The following MOB4 variants were observed in gnomAD, a reference collection of about 807,000 sequenced individuals.
MOB4 encodes the protein MOB family member 4, phocein.
A neutral mutation model predicts 32.2 loss-of-function variants in MOB4; 4 were observed. The ratio of observed to expected loss-of-function variants is 0.12; its 90% CI spans 0.06 to 0.28. MOB4 has a LOEUF of 0.28. Among genes scored for constraint, MOB4 ranks in the 10% least tolerant of loss-of-function variants. The probability of loss-of-function intolerance (pLI) is 1.00; values close to 1 mark genes in which losing one functional copy is unlikely to be tolerated. For missense variants in MOB4, 158 were observed against 271.2 expected (o/e 0.58, Z 2.93); for synonymous variants, 88 against 88.1 (o/e 1.00, Z 0.01).
At chr2:197,518,561 G>A (rs1208924079) in intron 1 of MOB4, among the ~76,000 whole-genome samples, 3 of 150,288 alleles carry the variant, frequency 2.0e-5, no homozygotes, top group African/African-American at 7.4e-5. Context: ...TGCACCTGGA[G>A]GTTTTTTTTT....
intron 1 of MOB4, chr2:197,516,878 G>A: frequency 2.8e-6 from 1 of 362,204 alleles, no homozygotes; most frequent in South Asian, 2.1e-5. Context: ...GTTTCTTAGG[G>A]TTTGGAAAAG....
At chr2:197,535,222 CAAA>C (rs371120769) in intron 2 of MOB4, among the ~76,000 whole-genome samples, 12 of 66,370 alleles carry the variant, frequency 1.8e-4, no homozygotes, top group Non-Finnish European at 3.2e-4. Flanking sequence ...GACCCTGTTT[CAAA>C]AAAAAAAAAA....
At chr2:197,546,085 G>A (rs888102710) in intron 5 of MOB4, among the ~76,000 whole-genome samples, 15 of 151,506 alleles carry the variant, frequency 9.9e-5, no homozygotes, top group African/African-American at 2.9e-4. Flanking sequence ...TTTTTGAGAC[G>A]GAGTCTCACA....
At chr2:197,538,542 T>G (rs970684420) in intron 3 of MOB4, among the ~76,000 whole-genome samples, 1 of 152,172 alleles carries the variant, frequency 6.6e-6, no homozygotes, top group South Asian at 2.1e-4. Context: ...TCTTAATGAT[T>G]AGGAAAAAGT....
intron 5 of MOB4, among the ~76,000 whole-genome samples, chr2:197,546,368 A>T (rs2086993723): frequency 1.3e-5 from 2 of 150,908 alleles, no homozygotes; most frequent in South Asian, 4.2e-4. Context: ...GCCTCACGTT[A>T]TCCCCTTTTT....
At position 197,521,633 on chromosome 2, in the gene MOB4, G is replaced by A. The variant is rs199703342; in HGVS notation, c.61-1991G>A. Among the ~76,000 whole-genome samples the A allele has an allele frequency of 1.7e-3, 262 of 152,258 alleles. 1 individual carries two copies. Among genetic ancestry groups the A allele is most frequent in the East Asian group, 9.3e-3 (48 of 5,188 alleles). On this transcript the variant is annotated intron_variant, in intron 1 of 7. Transcript: ENST00000323303. Reference sequence around the variant, plus strand: ...GAAGACGGCCATACCCAAGGGGGCCGTCTATAGACCCACCCCCAGGCGTGT... The same window carrying A: ...GAAGACGGCCATACCCAAGGGGGCCATCTATAGACCCACCCCCAGGCGTGT...
In MOB4 at chr2:197,516,134, C is replaced by T. The variant is rs903197738; in HGVS notation, c.48C>T (p.Gly16=). 1.8e-5 allele frequency: 29 copies of T among 1,603,686 alleles called. No individual in the cohort carries two copies. The highest frequency in any genetic ancestry group is 2.0e-5 in the Non-Finnish European group (24 of 1,176,224). Residue 16 remains glycine (G), a synonymous_variant, in exon 1 of 8, where the codon GGC becomes GGT. Transcript: ENST00000323303. Reference sequence around the variant, plus strand: ...CAGTGCTGAGGCGGAACAGGCCGGGCACCAAGGCGCAGGTACCATGTCTGC... The same window carrying T: ...CAGTGCTGAGGCGGAACAGGCCGGGTACCAAGGCGCAGGTACCATGTCTGC... ...GTAVLRRNRP[G]TKAQDFYNWP...
chr2:197,516,832 C>T (rs1445316504), intron 1 of MOB4: 1 of 429,798 alleles, frequency 2.3e-6, no homozygotes, highest in African/African-American at 2.0e-5. Context: ...TTTTGTAGGG[C>T]ATTATGTGTG....
At chr2:197,536,972 T>C (rs2086810499) in intron 3 of MOB4, among the ~76,000 whole-genome samples, 1 of 151,908 alleles carries the variant, frequency 6.6e-6, no homozygotes. Context: ...AATCCTGGGC[T>C]CAAGTGATCC....
At chr2:197,550,228 A>C in intron 6 of MOB4, 47 bp from the exon 7 acceptor site, 2 of 1,544,818 alleles carry the variant, frequency 1.3e-6, no homozygotes, top group African/African-American at 2.8e-5. Flanking sequence ...ATTGTTCCTA[A>C]GATTCTATCC....
chr2:197,518,162 A>G (rs1333762466), intron 1 of MOB4, among the ~76,000 whole-genome samples: 1 of 151,996 alleles, frequency 6.6e-6, no homozygotes, highest in Non-Finnish European at 1.5e-5. Flanking sequence ...ACAAAAAACT[A>G]TAGGAGAGTA....
In MOB4 at chr2:197,547,052, C is replaced by T. The variant is rs562642839; in HGVS notation, c.355-1284C>T. Among the ~76,000 whole-genome samples, 8 of 151,372 alleles carry T rather than the reference C, an allele frequency of 5.3e-5. No individual in the cohort carries two copies. The East Asian group carries it at 1.5e-3, about 29-fold the overall frequency. ...CTTGAGGCCAGGAGTTCGAGACCAG[C>T]CTGGTCAACATAGTGAGACCTTCTT... is the stretch of plus-strand genomic sequence containing the variant. On this transcript the variant is annotated intron_variant, in intron 5 of 7. Transcript: ENST00000323303.
intron 3 of MOB4, among the ~76,000 whole-genome samples, chr2:197,537,121 A>G (rs1051072691): frequency 1.3e-5 from 2 of 152,154 alleles, no homozygotes; most frequent in Non-Finnish European, 2.9e-5. Flanking sequence ...AATTATTGCA[A>G]ACTTCCAGTC....
chr2:197,521,738 A>T (rs2086522823), intron 1 of MOB4, among the ~76,000 whole-genome samples: 1 of 152,228 alleles, frequency 6.6e-6, no homozygotes, highest in Non-Finnish European at 1.5e-5. Flanking sequence ...AAGAAGAGAA[A>T]TATGGCTCTG....
chr2:197,541,446 A>G (rs980590141), intron 5 of MOB4, among the ~76,000 whole-genome samples: 9 of 152,218 alleles, frequency 5.9e-5, no homozygotes, highest in Admixed American at 2.0e-4. Context: ...ATAGACTTCT[A>G]AGGCTTGAAG....
Position 197,552,454 on chromosome 2 carries a change from G to A in MOB4, c.*1808G>A, listed in dbSNP as rs1253410926. 1 of 152,274 alleles carries A rather than the reference G, an allele frequency of 6.6e-6. No homozygotes were observed. Among genetic ancestry groups the A allele is most frequent in the East Asian group, 1.9e-4 (1 of 5,342 alleles). The allele number at this position is 152,274 out of a possible 1,614,324, so 9.4% of individuals were successfully genotyped here. On this transcript the variant is annotated 3_prime_UTR_variant, in exon 8 of 8. Transcript: ENST00000323303. The stretch of plus-strand genomic sequence containing the variant: ...TTTTCTTAGTGAATATTTATACTAA[G>A]GTAGTGACTGAGATTTGGTGATCTG...
At position 197,547,000 on chromosome 2, in the gene MOB4, C is replaced by T. The variant is rs909313266; in HGVS notation, c.355-1336C>T. ...ATGGCTTATGCCTGTAAACCCAGCA[C>T]TTTGGGAGGCTGAGATGGGAGGATC... is the stretch of plus-strand genomic sequence containing the variant. On this transcript the variant is annotated intron_variant, in intron 5 of 7. Transcript: ENST00000323303. Among the ~76,000 whole-genome samples the T allele has an allele frequency of 5.9e-5, 9 of 152,236 alleles. 1 individual carries two copies. In the South Asian group the frequency reaches 8.3e-4, roughly 14 times the overall value.
At chr2:197,536,886 G>A (rs56067932) in intron 3 of MOB4, among the ~76,000 whole-genome samples, 65,900 of 151,516 alleles carry the variant, frequency 0.43, 14,713 homozygotes, top group South Asian at 0.56. Flanking sequence ...GTGAGCCACC[G>A]TGCCTGACTT....
chr2:197,536,270 C>A (rs1330350446), intron 3 of MOB4, among the ~76,000 whole-genome samples: 1 of 152,056 alleles, frequency 6.6e-6, no homozygotes, highest in Non-Finnish European at 1.5e-5. Context: ...GTGGTGCAAT[C>A]TTGGCGCATT....
Sources: allele counts gnomAD v4.1 joint callset (sites outside exome capture counted in the v4.1 genomes callset), GRCh38; gene constraint gnomAD v4.1.1; transcripts MANE v1.5; gene names NCBI Gene and HGNC (gene_info 2026-07-23, HGNC 2026-07-21).